GALNT17: variants seen among roughly 807,000 people sequenced by gnomAD.
The protein encoded by GALNT17 is polypeptide N-acetylgalactosaminyltransferase 17, also known as UDP-GalNAc:polypeptide N-acetylgalactosaminyltransferase-like 3.
A neutral mutation model predicts 63.7 loss-of-function variants in GALNT17; 29 were observed. That is an observed-to-expected ratio of 0.46 (90% CI 0.34 to 0.62). The LOEUF (loss-of-function observed/expected upper bound fraction) is 0.62, where lower values mean the gene tolerates loss of function less well. Ranked by LOEUF, GALNT17 falls within the 20% of genes least tolerant of loss-of-function variation. The pLI, the probability that GALNT17 is intolerant of heterozygous loss-of-function variation, is 0.01. For missense variants in GALNT17, 603 were observed against 799.6 expected (o/e 0.75, Z 2.97); for synonymous variants, 305 against 318.3 (o/e 0.96, Z 0.45).
At chr7:71,248,302 T>TA (rs1051312990) in intron 1 of GALNT17, among the ~76,000 whole-genome samples, 9 of 151,598 alleles carry the variant, frequency 5.9e-5, no homozygotes, top group Non-Finnish European at 1.2e-4. Flanking sequence ...TTCCACTAGG[T>TA]CCCCCCCTCA....
intron 1 of GALNT17, among the ~76,000 whole-genome samples, chr7:71,156,616 T>TCCTTCCTTCCTTCCTTCCTC (rs1419449706): frequency 4.9e-5 from 7 of 143,770 alleles, no homozygotes; most frequent in African/African-American, 1.8e-4. Flanking sequence ...CTTCCTTCCT[T>TCCTTCCTTCCTTCCTTCCTC]CCTCCATTCT....
intron 3 of GALNT17, among the ~76,000 whole-genome samples, chr7:71,403,129 G>A (rs759859683): frequency 6.6e-6 from 1 of 152,150 alleles, no homozygotes; most frequent in Non-Finnish European, 1.5e-5. Flanking sequence ...AAGCAATAGT[G>A]TGTGAAAACC....
chr7:71,266,047 G>A (rs1315964403), intron 1 of GALNT17, among the ~76,000 whole-genome samples: 2 of 152,020 alleles, frequency 1.3e-5, no homozygotes, highest in Non-Finnish European at 2.9e-5. Flanking sequence ...GCATTCCTTG[G>A]CTTATGGCCG....
chr7:71,461,746 G>A (rs758887214), intron 5 of GALNT17, among the ~76,000 whole-genome samples: 9 of 152,174 alleles, frequency 5.9e-5, no homozygotes, highest in South Asian at 4.1e-4. Flanking sequence ...GCTGCCAGGC[G>A]GGTCCTCCTG....
intron 1 of GALNT17, among the ~76,000 whole-genome samples, chr7:71,320,128 C>G (rs1345374321): frequency 6.6e-6 from 1 of 152,176 alleles, no homozygotes; most frequent in African/African-American, 2.4e-5. Context: ...TTTTGTTGAG[C>G]AGATACATAC....
intron 6 of GALNT17, among the ~76,000 whole-genome samples, chr7:71,654,237 C>G (rs4719159): frequency 0.91 from 138,040 of 152,180 alleles, 64,132 homozygotes; most frequent in South Asian, 1. Context: ...GGATGGTCTC[C>G]ATCTCCTGAC....
At chr7:71,356,295 A>T (rs535325992) in intron 2 of GALNT17, among the ~76,000 whole-genome samples, 3 of 152,120 alleles carry the variant, frequency 2.0e-5, no homozygotes, top group Non-Finnish European at 4.4e-5. Flanking sequence ...GATTCACAAG[A>T]TTTGTAGTTC....
chr7:71,542,756 T>C lies in GALNT17; in HGVS notation c.963-28529T>C, dbSNP rs1183617987. Among the ~76,000 whole-genome samples, 3 of 151,142 alleles carry C rather than the reference T, an allele frequency of 2.0e-5. No homozygotes were observed. The East Asian group carries it at 5.8e-4, about 29-fold the overall frequency. On this transcript the variant is annotated intron_variant, in intron 5 of 10. Coordinates refer to ENST00000333538, the MANE Select transcript of GALNT17 (RefSeq NM_022479.3). ...CAGTGATGGAAATTGTCAGATGTGG[T>C]TGGAGTGGGATACAGGGATTTGCAT...
intron 1 of GALNT17, among the ~76,000 whole-genome samples, chr7:71,246,842 GATTATA>G (rs1790108442): frequency 6.6e-6 from 1 of 150,562 alleles, no homozygotes; most frequent in African/African-American, 2.4e-5. Flanking sequence ...AAAAAAAAGA[GATTATA>G]ATTATGAATA....
intron 1 of GALNT17, among the ~76,000 whole-genome samples, chr7:71,232,192 T>TTC (rs1275014663): frequency 1.3e-5 from 2 of 152,142 alleles, no homozygotes; most frequent in Non-Finnish European, 2.9e-5. Flanking sequence ...TGCGCAGTCC[T>TTC]TCTCTCTGAG....
chr7:71,543,812 A>G (rs1349117358), intron 5 of GALNT17, among the ~76,000 whole-genome samples: 2 of 53,750 alleles, frequency 3.7e-5, no homozygotes, highest in Admixed American at 2.1e-4. Flanking sequence ...TTTTTTTTTG[A>G]GATGGAGTCT....
chr7:71,263,165 C>CT (rs1790416550), intron 1 of GALNT17, among the ~76,000 whole-genome samples: 1 of 152,010 alleles, frequency 6.6e-6, no homozygotes, highest in Non-Finnish European at 1.5e-5. Context: ...TGAGACCATC[C>CT]TGGCTAACAT....
intron 9 of GALNT17, among the ~76,000 whole-genome samples, chr7:71,693,943 T>C (rs1271792921): frequency 6.6e-6 from 1 of 152,156 alleles, no homozygotes; most frequent in East Asian, 1.9e-4. Flanking sequence ...TCTCATTATT[T>C]TATTTAATCC....
At chr7:71,531,835 G>T (rs1788725891) in intron 5 of GALNT17, among the ~76,000 whole-genome samples, 1 of 152,158 alleles carries the variant, frequency 6.6e-6, no homozygotes, top group Non-Finnish European at 1.5e-5. Context: ...AAACAGAGCG[G>T]AATGCATATA....
rs1213207739 is a variant in GALNT17 at position 71,207,301 on chromosome 7, A to G, written c.238+74261A>G. Among the ~76,000 whole-genome samples, 6 of 152,096 alleles carry G rather than the reference A, an allele frequency of 3.9e-5. 1 individual carries two copies. Among genetic ancestry groups the G allele is most frequent in the Non-Finnish European group, 5.9e-5 (4 of 68,018 alleles). ...CATCTTTGACTTGTAAGTTTAAACC[A>G]TGTCCCTTCGTTGTCCTACCTTATC... On this transcript the variant is annotated intron_variant, in intron 1 of 10. Transcript: ENST00000333538.
chr7:71,382,378 C>T (rs1792863152), intron 2 of GALNT17, among the ~76,000 whole-genome samples: 1 of 152,116 alleles, frequency 6.6e-6, no homozygotes, highest in Admixed American at 6.6e-5. Flanking sequence ...AAGACTCCAT[C>T]TCAAAAACAC....
At chr7:71,611,406 ACTCTTC>A (rs1790123304) in intron 6 of GALNT17, among the ~76,000 whole-genome samples, 1 of 151,934 alleles carries the variant, frequency 6.6e-6, no homozygotes, top group Non-Finnish European at 1.5e-5. Context: ...CCATCCTGGG[ACTCTTC>A]CTCTGCTTAT....
intron 5 of GALNT17, among the ~76,000 whole-genome samples, chr7:71,513,656 G>A (rs1013219868): frequency 5.3e-5 from 8 of 151,828 alleles, no homozygotes; most frequent in African/African-American, 1.9e-4. Flanking sequence ...AAAGTGCTGA[G>A]TCTACAGGTG....
At chr7:71,487,043 C>T (rs1421434289) in intron 5 of GALNT17, among the ~76,000 whole-genome samples, 2 of 152,172 alleles carry the variant, frequency 1.3e-5, no homozygotes, top group Admixed American at 6.5e-5. Flanking sequence ...GGACACGAAG[C>T]TTCAGCAACC....
Sources: allele counts gnomAD v4.1 joint callset (sites outside exome capture counted in the v4.1 genomes callset), GRCh38; gene constraint gnomAD v4.1.1; transcripts MANE v1.5; gene names NCBI Gene and HGNC (gene_info 2026-07-23, HGNC 2026-07-21).